Variants in LRRC2 observed in about 807,000 individuals in gnomAD.
The protein encoded by LRRC2 is leucine-rich repeat-containing protein 2.
A neutral mutation model predicts 40.2 loss-of-function variants in LRRC2; 27 were observed. That is an observed-to-expected ratio of 0.67 (90% confidence interval 0.49 to 0.93). The LOEUF (loss-of-function observed/expected upper bound fraction) is 0.93. Ranked by LOEUF, LRRC2 falls within the 40% of genes least tolerant of loss-of-function variation. The pLI is 0.00. For synonymous variants in LRRC2, 147 were observed against 158.9 expected, an observed-to-expected ratio of 0.92 and a Z score of 0.56; for missense variants, 402 against 439.6, an observed-to-expected ratio of 0.91 and a Z score of 0.76.
At position 46,527,532 on chromosome 3, in the gene LRRC2, G is replaced by A. The variant is rs1157770369; in HGVS notation, c.823C>T (p.Leu275Phe). The change falls in exon 7 of 9, where the codon CTT becomes TTT. Residue 275 changes from leucine to phenylalanine, a missense_variant. By Grantham distance (22) the Leu-to-Phe change is conservative. Transcript: ENST00000395905. ...FLLYKNKLTY[L>F]PYSMLNLKKL... ...TTCAGGTTCAGCATGGAATAGGGAA[G>A]GTAGGTCAACTTGTTTTTATACAAG... 3 of 1,613,798 alleles carry A rather than the reference G, an allele frequency of 1.9e-6. No individual in the cohort carries two copies. The highest frequency in any genetic ancestry group is 2.5e-6 in the Non-Finnish European group (3 of 1,179,858).
chr3:46,565,770 C>T (rs1334239929), intron 1 of LRRC2, among the ~76,000 whole-genome samples: 1 of 152,244 alleles, frequency 6.6e-6, no homozygotes, highest in African/African-American at 2.4e-5. Context: ...GGCCATGTGT[C>T]AATCATACCA....
chr3:46,558,289 AAC>A (rs1704856979), intron 1 of LRRC2: 1 of 152,226 alleles, frequency 6.6e-6, no homozygotes, highest in South Asian at 2.1e-4. Flanking sequence ...GCCATTGTAT[AAC>A]ACAGGGTATA....
At chr3:46,546,283 A>C (rs1402904561) in intron 2 of LRRC2, among the ~76,000 whole-genome samples, 7 of 152,216 alleles carry the variant, frequency 4.6e-5, no homozygotes, top group Admixed American at 4.6e-4. Flanking sequence ...ATCTGAAGGA[A>C]GGGTGGTTCA....
chr3:46,565,571 A>AC (rs1172741475), intron 1 of LRRC2, among the ~76,000 whole-genome samples: 1 of 150,496 alleles, frequency 6.6e-6, no homozygotes, highest in Non-Finnish European at 1.5e-5. Flanking sequence ...TAATGGGTGA[A>AC]CCCCCCAGTC....
intron 8 of LRRC2, among the ~76,000 whole-genome samples, chr3:46,520,957 C>T (rs1029140041): frequency 6.6e-5 from 10 of 152,136 alleles, no homozygotes; most frequent in Admixed American, 3.9e-4. Flanking sequence ...TGGAAACAGC[C>T]GCCGGAATCT....
intron 7 of LRRC2, among the ~76,000 whole-genome samples, chr3:46,526,319 G>A (rs1704059846): frequency 6.6e-6 from 1 of 152,184 alleles, no homozygotes; most frequent in Non-Finnish European, 1.5e-5. Context: ...TATATCATTT[G>A]AAATTACTTT....
At position 46,518,842 on chromosome 3, in the gene LRRC2, G is replaced by C; in HGVS notation, c.*172C>G. Reference sequence around the variant, plus strand: ...CAATTTTTCAATTCTCCAGTCCATGGAGGGAGATACTCATGTATTTGACAT... The same window carrying C: ...CAATTTTTCAATTCTCCAGTCCATGCAGGGAGATACTCATGTATTTGACAT... On this transcript the variant is annotated 3_prime_UTR_variant, in exon 9 of 9. Coordinates refer to ENST00000395905, the MANE Select transcript of LRRC2 (RefSeq NM_024512.5). The C allele has an allele frequency of 1.8e-6, 1 of 563,220 alleles. No individual in the cohort carries two copies. The highest frequency in any genetic ancestry group is 2.8e-5 in the South Asian group (1 of 35,948). 34.9% of individuals were successfully genotyped at this position (563,220 alleles called of 1,614,324 possible). A position where few individuals can be genotyped will look rare whatever the true frequency, so the allele number is the denominator to read the frequency against.
rs1231552007 is a variant in LRRC2 at position 46,533,735 on chromosome 3, TTCCTTCCTTC to T, written c.491-836_491-827del. ...CTTCCTTCCTTCCTTCCTTCCTTCC[TTCCTTCCTTC>T]CTTCTTCCTTCCCTCCCTCCCTCCC... On this transcript the variant is annotated intron_variant, in intron 4 of 8. Transcript: ENST00000395905. Among the ~76,000 whole-genome samples the T allele has an allele frequency of 7.5e-4, 111 of 148,478 alleles. 1 individual carries two copies. Among genetic ancestry groups the T allele is most frequent in the African/African-American group, 1.8e-3 (72 of 40,330 alleles).
Position 46,536,185 on chromosome 3 carries a change from T to G in LRRC2, c.490+2860A>C, listed in dbSNP as rs116318788. Among the ~76,000 whole-genome samples the G allele has an allele frequency of 4.6e-3, 697 of 152,364 alleles. 10 individuals are homozygous for G. The highest frequency in any genetic ancestry group is 0.016 in the African/African-American group (646 of 41,590). On this transcript the variant is annotated intron_variant, in intron 4 of 8. Coordinates refer to ENST00000395905, the MANE Select transcript of LRRC2 (RefSeq NM_024512.5). Reference sequence around the variant, plus strand: ...GTCTATAGAAGAGCATGAGTGTATGTACAGTGTGAATACCCAGGAAACTTA... The same window carrying G: ...GTCTATAGAAGAGCATGAGTGTATGGACAGTGTGAATACCCAGGAAACTTA...
At position 46,527,466 on chromosome 3, in the gene LRRC2, C is replaced by T; in HGVS notation, c.889G>A (p.Glu297Lys). 2 of 1,613,896 alleles carry T rather than the reference C, an allele frequency of 1.2e-6. No individual in the cohort carries two copies. The highest frequency in any genetic ancestry group is 2.2e-5 in the South Asian group (2 of 91,072). ...LLVVSGDHLV[E>K]LPTALCDSST... is the part of the protein sequence containing the mutation. ...GAGTCACAAAGGGCAGTTGGGAGCT[C>T]CACCAAATGGTCCCCACTGACGACT... The change falls in exon 7 of 9, where the codon GAG (glutamate) becomes AAG (lysine). Residue 297 changes from glutamate (E) to lysine (K), a missense_variant. By Grantham distance (56) the Glu-to-Lys change is moderately conservative. Transcript: ENST00000395905.
chr3:46,566,034 CG>C (rs1401777955), intron 1 of LRRC2, 142 bp downstream of exon 1: 1 of 152,356 alleles, frequency 6.6e-6, no homozygotes, highest in Non-Finnish European at 1.5e-5. Flanking sequence ...CCTGTCGCTC[CG>C]GCAGATTGCA....
At chr3:46,540,845 T>C (rs1025366481) in intron 3 of LRRC2, among the ~76,000 whole-genome samples, 2 of 152,066 alleles carry the variant, frequency 1.3e-5, no homozygotes, top group African/African-American at 4.8e-5. Context: ...CACCAGAGGG[T>C]TGCCTCCTGG....
chr3:46,540,608 C>G (rs1471734248), intron 3 of LRRC2, among the ~76,000 whole-genome samples: 2 of 151,904 alleles, frequency 1.3e-5, no homozygotes, highest in African/African-American at 4.8e-5. Context: ...AAGTGAATCA[C>G]TTACAGTAAG....
intron 3 of LRRC2, among the ~76,000 whole-genome samples, chr3:46,540,484 C>A (rs1053490553): frequency 4.7e-5 from 7 of 150,456 alleles, no homozygotes; most frequent in Middle Eastern, 3.4e-3. Flanking sequence ...AAAATAGCAC[C>A]ACTGCACTCC....
At chr3:46,562,703 C>T (rs1413770985) in intron 1 of LRRC2, among the ~76,000 whole-genome samples, 1 of 151,382 alleles carries the variant, frequency 6.6e-6, no homozygotes, top group Non-Finnish European at 1.5e-5. Flanking sequence ...ATGACTCCAT[C>T]ATAATCTAGA....
Position 46,529,757 on chromosome 3 carries a change from C to T in LRRC2, c.773+148G>A, listed in dbSNP as rs1704125961. ...TGGAAATTGTCTTATTCTATAATTT[C>T]CTCGGAAACTGATTTCCTGGAAAGG... On this transcript the variant is annotated intron_variant, in intron 6 of 8. Transcript: ENST00000395905. The T allele has an allele frequency of 3.7e-6, 3 of 810,588 alleles. No homozygotes were observed. In the East Asian group the frequency reaches 8.1e-5, roughly 22 times the overall value. The allele number at this position is 810,588 out of a possible 1,614,324, so 50.2% of individuals were successfully genotyped here.
intron 7 of LRRC2, among the ~76,000 whole-genome samples, chr3:46,527,094 G>A (rs928896745): frequency 1.3e-5 from 2 of 152,190 alleles, no homozygotes; most frequent in Admixed American, 6.5e-5. Flanking sequence ...AAGCAACCAG[G>A]GAGGGTCCTT....
chr3:46,541,607 C>A (rs998003271), intron 3 of LRRC2, among the ~76,000 whole-genome samples: 1 of 152,184 alleles, frequency 6.6e-6, no homozygotes, highest in African/African-American at 2.4e-5. Flanking sequence ...CAATCTTAGA[C>A]TAGCAGCAGA....
chr3:46,523,117 T>C (rs2106978302), intron 7 of LRRC2, among the ~76,000 whole-genome samples: 3 of 152,358 alleles, frequency 2.0e-5, no homozygotes, highest in Middle Eastern at 3.4e-3. Context: ...AAAGTTGTAA[T>C]GTTTAATGTA....
Sources: allele counts gnomAD v4.1 joint callset (sites outside exome capture counted in the v4.1 genomes callset), GRCh38; gene constraint gnomAD v4.1.1; transcripts MANE v1.5; gene names NCBI Gene and HGNC (gene_info 2026-07-23, HGNC 2026-07-21).